Variants in CHRM3 observed in about 807,000 individuals in gnomAD.
The protein encoded by CHRM3 is muscarinic acetylcholine receptor M3.
CHRM3 carries 11 observed loss-of-function variants against 41.8 expected under a neutral mutation model. The observed-to-expected ratio is 0.26, with a 90% CI of 0.17 to 0.44. The LOEUF is 0.44. Among genes scored for constraint, CHRM3 ranks in the 20% least tolerant of loss-of-function variants. The pLI is 1.00. For synonymous variants in CHRM3, 297 were observed against 301.4 expected (o/e 0.99, Z 0.15); for missense variants, 571 against 745.4 (o/e 0.77, Z 2.72).
In CHRM3 at chr1:239,423,135, A is replaced by T. The variant is rs566083489; in HGVS notation, c.-521+35908A>T. The stretch of plus-strand genomic sequence containing the variant: ...TACAGCATGTCAGAAGCATGTGCAC[A>T]GTGCCTGTACCTAGGGAATCTCAGG... On this transcript the variant is annotated intron_variant, in intron 1 of 6. Transcript: ENST00000676153. 1.4e-4 allele frequency among the ~76,000 whole-genome samples: 22 copies of T among 152,320 alleles called. 1 individual carries two copies. Among genetic ancestry groups the T allele is most frequent in the Admixed American group, 1.4e-3 (21 of 15,304 alleles).
Position 239,648,264 on chromosome 1 carries a change from G to A in CHRM3, c.-250+15978G>A, listed in dbSNP as rs553652736. On this transcript the variant is annotated intron_variant, in intron 4 of 6. Transcript: ENST00000676153. The stretch of plus-strand genomic sequence containing the variant: ...TGATGCTTCAGAGTGTGTGTGGGAT[G>A]TCTCTTCTTGCTCCCTTTTCCCCAA... Among the ~76,000 whole-genome samples, 16 of 152,258 alleles carry A rather than the reference G, an allele frequency of 1.1e-4. No individual in the cohort carries two copies. The South Asian group carries it at 3.3e-3, about 32-fold the overall frequency.
chr1:239,662,591 A>G (rs891578361), intron 4 of CHRM3, among the ~76,000 whole-genome samples: 1 of 152,186 alleles, frequency 6.6e-6, no homozygotes, highest in African/African-American at 2.4e-5. Flanking sequence ...AATTCTTAAA[A>G]TAACCTGGCC....
chr1:239,843,863 G>C (rs1674041015), intron 6 of CHRM3, among the ~76,000 whole-genome samples: 1 of 151,720 alleles, frequency 6.6e-6, no homozygotes, highest in Non-Finnish European at 1.5e-5. Flanking sequence ...GTGTATATGT[G>C]TGTATGTGTG....
At chr1:239,641,184 A>G (rs1303529599) in intron 4 of CHRM3, among the ~76,000 whole-genome samples, 2 of 152,144 alleles carry the variant, frequency 1.3e-5, no homozygotes, top group Non-Finnish European at 2.9e-5. Flanking sequence ...TTTACTTCCA[A>G]CTATGTGGTC....
At chr1:239,415,135 G>GT in intron 1 of CHRM3, among the ~76,000 whole-genome samples, 1 of 152,258 alleles carries the variant, frequency 6.6e-6, no homozygotes, top group Admixed American at 6.5e-5. Flanking sequence ...AAAAGTCTAA[G>GT]TTTTTTTATA....
intron 5 of CHRM3, among the ~76,000 whole-genome samples, chr1:239,718,138 A>ACT (rs1416834368): frequency 2.6e-5 from 4 of 152,086 alleles, no homozygotes; most frequent in African/African-American, 4.8e-5. Context: ...ATCAGCTGCT[A>ACT]CACAGACACA....
chr1:239,807,627 T>C (rs1398000711), intron 5 of CHRM3, among the ~76,000 whole-genome samples: 1 of 152,224 alleles, frequency 6.6e-6, no homozygotes, highest in Admixed American at 6.5e-5. Context: ...AATCATGCAT[T>C]GCATTCAGAT....
chr1:239,684,768 A>G (rs911901288), intron 5 of CHRM3, among the ~76,000 whole-genome samples: 1 of 139,048 alleles, frequency 7.2e-6, no homozygotes, highest in African/African-American at 2.5e-5. Flanking sequence ...GAAAGAAAGA[A>G]AGAGAAAGAG....
chr1:239,594,801 G>GT (rs1360938651), intron 3 of CHRM3, among the ~76,000 whole-genome samples: 2 of 152,160 alleles, frequency 1.3e-5, no homozygotes, highest in African/African-American at 4.8e-5. Context: ...GAAAAAAATT[G>GT]TATCAGGCCT....
At chr1:239,477,760 C>G (rs1357045383) in intron 1 of CHRM3, among the ~76,000 whole-genome samples, 1 of 152,096 alleles carries the variant, frequency 6.6e-6, no homozygotes, top group Non-Finnish European at 1.5e-5. Flanking sequence ...AGCAAAATTC[C>G]TTTAGAAAAC....
At chr1:239,688,752 A>T (rs1378421672) in intron 5 of CHRM3, among the ~76,000 whole-genome samples, 2 of 136,830 alleles carry the variant, frequency 1.5e-5, no homozygotes, top group Non-Finnish European at 3.1e-5. Flanking sequence ...ATAATACATT[A>T]TTCAATATAA....
At chr1:239,695,104 G>A (rs1438170261) in intron 5 of CHRM3, among the ~76,000 whole-genome samples, 2 of 152,108 alleles carry the variant, frequency 1.3e-5, no homozygotes, top group African/African-American at 2.4e-5. Context: ...TCTGCCTCCC[G>A]GGTTCAAGAG....
intron 3 of CHRM3, among the ~76,000 whole-genome samples, chr1:239,590,999 C>T (rs959498791): frequency 2.0e-5 from 3 of 152,110 alleles, no homozygotes; most frequent in Non-Finnish European, 4.4e-5. Context: ...AAACAGTCTC[C>T]CCATCACAGT....
intron 6 of CHRM3, among the ~76,000 whole-genome samples, chr1:239,881,844 A>T (rs1677662614): frequency 6.6e-6 from 1 of 152,074 alleles, no homozygotes; most frequent in South Asian, 2.1e-4. Flanking sequence ...GCACTGAGGT[A>T]TTTAGATATA....
chr1:239,471,653 T>C (rs1666130429), intron 1 of CHRM3, among the ~76,000 whole-genome samples: 1 of 152,170 alleles, frequency 6.6e-6, no homozygotes, highest in African/African-American at 2.4e-5. Flanking sequence ...CCTCTCCCAC[T>C]GAGGAGGTCT....
chr1:239,576,340 C>T lies in CHRM3; in HGVS notation c.-313+30591C>T, dbSNP rs1286715256. The stretch of plus-strand genomic sequence containing the variant: ...GAAATTATAGTGGTTATAGAATGTA[C>T]TTGAGATTGTTCAAAAAGTGACAAG... On this transcript the variant is annotated intron_variant, in intron 3 of 6. Coordinates refer to ENST00000676153, the MANE Select transcript of CHRM3 (RefSeq NM_001375978.1). 3.9e-5 allele frequency among the ~76,000 whole-genome samples: 6 copies of T among 151,922 alleles called. No homozygotes were observed. In the East Asian group the frequency reaches 1.2e-3, roughly 29 times the overall value.
intron 6 of CHRM3, among the ~76,000 whole-genome samples, chr1:239,866,246 G>A (rs1000358532): frequency 3.3e-5 from 5 of 151,950 alleles, no homozygotes; most frequent in Non-Finnish European, 4.4e-5. Flanking sequence ...GCGTGGTGGC[G>A]GGCACCTGTA....
At chr1:239,637,918 C>G (rs1341153278) in intron 4 of CHRM3, among the ~76,000 whole-genome samples, 4 of 102,174 alleles carry the variant, frequency 3.9e-5, no homozygotes, top group African/African-American at 1.5e-4. Context: ...CCCCCTCCCC[C>G]CACCCCACAA....
chr1:239,855,965 C>T (rs1004721598), intron 6 of CHRM3, among the ~76,000 whole-genome samples: 2 of 152,226 alleles, frequency 1.3e-5, no homozygotes, highest in Admixed American at 1.3e-4. Context: ...TGTTTCTTAG[C>T]AGTTTCTCAG....
Sources: gnomAD v4.1 joint callset for allele counts (sites outside exome capture counted in the v4.1 genomes callset) on GRCh38, gnomAD v4.1.1 for gene constraint, MANE v1.5 for transcripts, NCBI Gene and HGNC (gene_info 2026-07-23, HGNC 2026-07-21) for gene names.